The following RAB1A variants were observed in gnomAD, a reference collection of about 807,000 sequenced individuals.
RAB1A encodes the protein RAB1A, member RAS oncogene family, also known as ras-related protein Rab-1A.
RAB1A carries 2 observed loss-of-function variants against 26.0 expected under a neutral mutation model. The observed-to-expected ratio is 0.08, with a 90% CI of 0.03 to 0.24. RAB1A has a LOEUF of 0.24. Among genes scored for constraint, RAB1A ranks in the 10% least tolerant of loss-of-function variants. The pLI is 1.00. For synonymous variants in RAB1A, 84 were observed against 84.9 expected (o/e 0.99, Z 0.06); for missense variants, 100 against 247.0 (o/e 0.40, Z 3.99).
At chr2:65,100,400 CAAAAAAAAAAA>C (rs34166798) in intron 2 of RAB1A, among the ~76,000 whole-genome samples, 1 of 57,976 alleles carries the variant, frequency 1.7e-5, no homozygotes, top group Non-Finnish European at 3.1e-5. Context: ...GTCTCTGTCT[CAAAAAAAAAAA>C]AAAAAAAAAA....
At chr2:65,112,146 G>GTTT (rs1558583933) in intron 1 of RAB1A, among the ~76,000 whole-genome samples, 1 of 144,360 alleles carries the variant, frequency 6.9e-6, no homozygotes. Context: ...GCTAGCTCAT[G>GTTT]ATTTTTTTTT....
Position 65,119,849 on chromosome 2 carries a change from A to C in RAB1A, c.23+10044T>G, listed in dbSNP as rs1042063863. On this transcript the variant is annotated intron_variant, in intron 1 of 5. Coordinates refer to ENST00000409784, the MANE Select transcript of RAB1A (RefSeq NM_004161.5). ...GGGAGATCCTGTCTCTACAAAAAAA[A>C]AAAAAAAAAAAAAAAAATTAATTAA... is the stretch of plus-strand genomic sequence containing the variant. Among the ~76,000 whole-genome samples the C allele has an allele frequency of 6.1e-5, 9 of 146,896 alleles. No homozygotes were observed. The South Asian group carries it at 1.7e-3, about 27-fold the overall frequency.
chr2:65,088,179 T>A lies in RAB1A; in HGVS notation c.*314A>T, dbSNP rs1422058560. The A allele has an allele frequency of 4.3e-6, 1 of 234,714 alleles. No homozygotes were observed. Among genetic ancestry groups the A allele is most frequent in the Non-Finnish European group, 8.2e-6 (1 of 122,472 alleles). The allele number at this position is 234,714 out of a possible 1,614,324, so 14.5% of individuals were successfully genotyped here. On this transcript the variant is annotated 3_prime_UTR_variant, in exon 6 of 6. Transcript: ENST00000409784. Reference sequence around the variant, plus strand: ...AACCTGACATCTAAACATGCCAATATAAACATCAAAACAAAATATATTCTA... The same window carrying A: ...AACCTGACATCTAAACATGCCAATAAAAACATCAAAACAAAATATATTCTA...
At chr2:65,125,864 CTTTTT>C (rs55930968) in intron 1 of RAB1A, among the ~76,000 whole-genome samples, 7 of 74,726 alleles carry the variant, frequency 9.4e-5, no homozygotes, top group East Asian at 4.6e-4. Flanking sequence ...TTTCAATTGC[CTTTTT>C]TTTTTTTTTT....
chr2:65,097,931 C>T, intron 3 of RAB1A, 40 bp downstream of exon 3: 1 of 1,191,164 alleles, frequency 8.4e-7, no homozygotes, highest in Non-Finnish European at 1.2e-6. Context: ...ACAAATTTAC[C>T]AAAATAAATT....
rs17029877 is a variant in RAB1A at position 65,125,253 on chromosome 2, A to C, written c.23+4640T>G. On this transcript the variant is annotated intron_variant, in intron 1 of 5. Coordinates refer to ENST00000409784, the MANE Select transcript of RAB1A (RefSeq NM_004161.5). ...GTAGACTACTATATTTCTTCCTACTATAGTTAGCTGGTATACTGAAGACAG... is the reference window on the plus strand; with the variant it reads ...GTAGACTACTATATTTCTTCCTACTCTAGTTAGCTGGTATACTGAAGACAG... 3.1e-3 allele frequency among the ~76,000 whole-genome samples: 470 copies of C among 152,140 alleles called. 2 individuals carry two copies. The highest frequency in any genetic ancestry group is 0.011 in the African/African-American group (448 of 41,498).
At chr2:65,116,910 C>T (rs1669840225) in intron 1 of RAB1A, among the ~76,000 whole-genome samples, 1 of 152,214 alleles carries the variant, frequency 6.6e-6, no homozygotes. Context: ...GAAAGACATC[C>T]ATGACCTCTA....
At chr2:65,096,691 G>A (rs562639751) in intron 3 of RAB1A, among the ~76,000 whole-genome samples, 1 of 152,168 alleles carries the variant, frequency 6.6e-6, no homozygotes, top group Admixed American at 6.5e-5. Context: ...CTAAATCCTT[G>A]CAAGTCCTAA....
At chr2:65,098,160 TA>T (rs1000960049) in intron 2 of RAB1A, 94 bp from the exon 3 acceptor site, 156 of 676,740 alleles carry the variant, frequency 2.3e-4, no homozygotes, top group Middle Eastern at 6.3e-4. Context: ...CAAGAGTAAA[TA>T]AAAAAAAAGT....
chr2:65,101,437 G>A (rs1669424478), intron 2 of RAB1A, among the ~76,000 whole-genome samples: 1 of 151,996 alleles, frequency 6.6e-6, no homozygotes, highest in South Asian at 2.1e-4. Flanking sequence ...CCTCACGATT[G>A]TCTCTATTAA....
At chr2:65,117,254 G>A (rs894080671) in intron 1 of RAB1A, among the ~76,000 whole-genome samples, 1 of 152,130 alleles carries the variant, frequency 6.6e-6, no homozygotes. Context: ...GTTTTTTAGA[G>A]ACAGGGTCTT....
rs1669062410 is a variant in RAB1A at position 65,087,486 on chromosome 2, T to C, written c.*1007A>G. The stretch of plus-strand genomic sequence containing the variant: ...AGAAAAACATTAGCACACATTAGTC[T>C]GATCATTTGCCAATTAGGAAAGGTG... On this transcript the variant is annotated 3_prime_UTR_variant, in exon 6 of 6. Coordinates refer to ENST00000409784, the MANE Select transcript of RAB1A (RefSeq NM_004161.5). 1 of 152,678 alleles carries C rather than the reference T, an allele frequency of 6.5e-6. No homozygotes were observed. The highest frequency in any genetic ancestry group is 6.5e-5 in the Admixed American group (1 of 15,288). 9.5% of individuals were successfully genotyped at this position (152,678 alleles called of 1,614,324 possible).
chr2:65,124,305 A>G (rs557749007), intron 1 of RAB1A, among the ~76,000 whole-genome samples: 20 of 152,212 alleles, frequency 1.3e-4, no homozygotes, highest in Admixed American at 1.0e-3. Context: ...TTTTAATGCA[A>G]AATTTCAGGC....
chr2:65,092,297 A>C (rs965214687), intron 3 of RAB1A, among the ~76,000 whole-genome samples: 1 of 152,150 alleles, frequency 6.6e-6, no homozygotes, highest in Admixed American at 6.5e-5. Context: ...AGAGGCTCAA[A>C]GTCTTTCAGT....
intron 1 of RAB1A, among the ~76,000 whole-genome samples, chr2:65,123,467 G>C (rs555447327): frequency 1.3e-5 from 2 of 152,050 alleles, no homozygotes; most frequent in East Asian, 3.9e-4. Flanking sequence ...AAATTATTAA[G>C]ATTGCTTCCA....
intron 1 of RAB1A, among the ~76,000 whole-genome samples, chr2:65,108,190 C>T (rs972971171): frequency 1.0e-4 from 15 of 150,658 alleles, no homozygotes; most frequent in African/African-American, 3.2e-4. Flanking sequence ...GATGAAACCC[C>T]GCCTCTACTA....
At chr2:65,129,145 T>G (rs890405860) in intron 1 of RAB1A, among the ~76,000 whole-genome samples, 5 of 140,418 alleles carry the variant, frequency 3.6e-5, no homozygotes, top group Middle Eastern at 3.6e-3. Flanking sequence ...TTGGCTTTAG[T>G]TTTTTTTTTT....
In RAB1A at chr2:65,117,965, A is replaced by C. The variant is rs143090791; in HGVS notation, c.23+11928T>G. 2.0e-3 allele frequency among the ~76,000 whole-genome samples: 298 copies of C among 152,328 alleles called. 2 individuals are homozygous for C. Among genetic ancestry groups the C allele is most frequent in the African/African-American group, 6.6e-3 (273 of 41,582 alleles). ...ATCCAAGCCTTTGAGTTAAAATTCCAATTCAGTTGCTTACTTTGAATGCCC... is the reference window on the plus strand; with the variant it reads ...ATCCAAGCCTTTGAGTTAAAATTCCCATTCAGTTGCTTACTTTGAATGCCC... On this transcript the variant is annotated intron_variant, in intron 1 of 5. Transcript: ENST00000409784.
chr2:65,116,163 AT>A (rs1669820967), intron 1 of RAB1A, among the ~76,000 whole-genome samples: 2 of 152,288 alleles, frequency 1.3e-5, no homozygotes, highest in South Asian at 2.1e-4. Flanking sequence ...TCTCAAAAAA[AT>A]AAATAAATTA....
Sources: gnomAD v4.1 joint callset for allele counts (sites outside exome capture counted in the v4.1 genomes callset) on GRCh38, gnomAD v4.1.1 for gene constraint, MANE v1.5 for transcripts, NCBI Gene and HGNC (gene_info 2026-07-23, HGNC 2026-07-21) for gene names.